The following RYR1 variants were observed in gnomAD, a reference collection of about 807,000 sequenced individuals.
RYR1 encodes ryanodine receptor 1.
RYR1 carries 342 observed loss-of-function variants against 583.5 expected under a neutral mutation model. The observed-to-expected ratio is 0.59, with a 90% CI of 0.54 to 0.64. RYR1 has a LOEUF of 0.64. RYR1 is among the 30% of genes least tolerant of loss of function. The probability of loss-of-function intolerance (pLI) is 0.00; values close to 1 mark genes in which losing one functional copy is unlikely to be tolerated. For synonymous variants in RYR1, 2,791 were observed against 2,822.5 expected (o/e 0.99, Z 0.35); for missense variants, 6,032 against 6,917.2 (o/e 0.87, Z 4.54).
intron 71 of RYR1, 70 bp from the exon 72 acceptor site, chr19:38,526,923 A>AG (rs1971491419): frequency 6.5e-7 from 1 of 1,547,452 alleles, no homozygotes. Flanking sequence ...TGGGCCTGGA[A>AG]GGAAAGGGTT....
At chr19:38,532,882 G>C in intron 78 of RYR1, 146 bp downstream of exon 78, 3 of 785,008 alleles carry the variant, frequency 3.8e-6, no homozygotes. Context: ...AGATACACCC[G>C]CCAAACTAAC....
In RYR1 at chr19:38,565,077, C is replaced by A; in HGVS notation, c.12743C>A (p.Ala4248Glu). ...ACCATCTTCGAGATGCAGATCGCCGCGCAGATCTCGGAGCCCGAGGGCGAG... is the reference window on the plus strand; with the variant it reads ...ACCATCTTCGAGATGCAGATCGCCGAGCAGATCTCGGAGCCCGAGGGCGAG... ...EDTIFEMQIA[A>E]QISEPEGEPE... Residue 4248 changes from alanine (A) to glutamate (E), a missense_variant, in exon 91 of 106, where the codon GCG becomes GAG. Around this residue, in one of 11 missense-constraint regions of RYR1, gnomAD observed 753 missense variants for 759.6 expected, o/e 0.99. Transcript: ENST00000359596. This position sits in a 1 kb window ranked among gnomAD's most constrained non-coding sequence, Gnocchi z 4.7. The A allele has an allele frequency of 6.4e-7, 1 of 1,558,072 alleles. No individual in the cohort carries two copies. Among genetic ancestry groups the A allele is most frequent in the Non-Finnish European group, 8.7e-7 (1 of 1,153,278 alleles).
chr19:38,528,192 C>A (rs1174352590), intron 73 of RYR1, 114 bp from the exon 74 acceptor site: 2 of 855,004 alleles, frequency 2.3e-6, no homozygotes, highest in Non-Finnish European at 2.0e-6. Flanking sequence ...TTCCTTCTGC[C>A]GTGTGAGTCT....
chr19:38,473,363 C>G lies in RYR1; in HGVS notation c.3766-14C>G. 6.2e-7 allele frequency: 1 copy of G among 1,613,698 alleles called. No individual in the cohort carries two copies. Among genetic ancestry groups the G allele is most frequent in the Non-Finnish European group, 8.5e-7 (1 of 1,179,938 alleles). On this transcript the variant is annotated splice_polypyrimidine_tract_variant and intron_variant, in intron 27 of 105. Coordinates refer to ENST00000359596, the MANE Select transcript of RYR1 (RefSeq NM_000540.3). ...CGCCTGCCCAGCCCAGTACTCCATT[C>G]CCTGCCACCTCAGGTATCCCGAGTG...
rs1322394196 is a variant in RYR1, at chr19:38,486,034, G to A, written c.5379G>A (p.Glu1793=). The change falls in exon 34 of 106, where the codon GAG becomes GAA. Residue 1793 remains glutamate, a synonymous_variant. Coordinates refer to ENST00000359596, the MANE Select transcript of RYR1 (RefSeq NM_000540.3). ...VAALPAAGAA[E]APARLSPAIP... is the part of the protein sequence containing the mutation. Reference sequence around the variant, plus strand: ...CTCTGCCAGCTGCTGGGGCAGCAGAGGCCCCGGCCCGCCTCAGCCCTGCCA... The same window carrying A: ...CTCTGCCAGCTGCTGGGGCAGCAGAAGCCCCGGCCCGCCTCAGCCCTGCCA... The A allele has an allele frequency of 1.2e-6, 2 of 1,612,770 alleles. No homozygotes were observed. The highest frequency in any genetic ancestry group is 1.7e-5 in the Admixed American group (1 of 59,956).
intron 97 of RYR1, among the ~76,000 whole-genome samples, chr19:38,576,892 GT>G (rs1027188906): frequency 6.6e-6 from 1 of 151,784 alleles, no homozygotes; most frequent in African/African-American, 2.4e-5. Flanking sequence ...CTTTTCTTTT[GT>G]TTTTTTCTTT....
chr19:38,542,818 G>C (rs1442893576), intron 84 of RYR1, among the ~76,000 whole-genome samples: 1 of 147,262 alleles, frequency 6.8e-6, no homozygotes, highest in African/African-American at 2.5e-5. Flanking sequence ...ACCGCTCCCA[G>C]CCTATTTTAA....
rs112627315 is a variant in RYR1, at chr19:38,553,562, G to A, written c.12282+5142G>A. Among the ~76,000 whole-genome samples, 664 of 152,086 alleles carry A rather than the reference G, an allele frequency of 4.4e-3. 5 individuals carry two copies. Among genetic ancestry groups the A allele is most frequent in the African/African-American group, 0.015 (626 of 41,488 alleles). On this transcript the variant is annotated intron_variant, in intron 89 of 105. Transcript: ENST00000359596. The stretch of plus-strand genomic sequence containing the variant: ...CTCCTCTGGAGGCTGACTGAGCTGG[G>A]AGGATCCTTTGAGCCCAGAAGGTCA...
chr19:38,585,880 A>G, intron 102 of RYR1, 58 bp from the exon 103 acceptor site: 1 of 1,601,788 alleles, frequency 6.2e-7, no homozygotes, highest in Non-Finnish European at 8.6e-7. Context: ...GTAGCTGGAG[A>G]GGGGGGAGTC....
chr19:38,520,944 A>C (rs966234602), intron 67 of RYR1, among the ~76,000 whole-genome samples: 2 of 152,126 alleles, frequency 1.3e-5, no homozygotes, highest in African/African-American at 4.8e-5. Flanking sequence ...AATAAACTAC[A>C]TATTTTACCA....
intron 72 of RYR1, 59 bp downstream of exon 72, chr19:38,527,111 T>G: frequency 1.3e-6 from 2 of 1,577,754 alleles, no homozygotes; most frequent in Non-Finnish European, 1.7e-6. Flanking sequence ...ACAATATTAG[T>G]GAAGGTTTGA....
At chr19:38,513,053 C>G (rs963715178) in intron 63 of RYR1, among the ~76,000 whole-genome samples, 1 of 151,682 alleles carries the variant, frequency 6.6e-6, no homozygotes, top group Non-Finnish European at 1.5e-5. Flanking sequence ...AAAAGTAGCA[C>G]TTGGCCGAGC....
At chr19:38,441,382 A>G (rs2145324067) in intron 2 of RYR1, among the ~76,000 whole-genome samples, 1 of 76,046 alleles carries the variant, frequency 1.3e-5, no homozygotes, top group South Asian at 4.2e-4. Context: ...GGGGTGTTTT[A>G]GGGGGAAGGA....
Position 38,469,312 on chromosome 19 carries a change from G to T in RYR1, c.3564G>T (p.Leu1188=). ...FREIEIGDGF[L]PVCSLGPGQV... is the part of the protein sequence containing the mutation. Reference sequence around the variant, plus strand: ...TCCATCCCCTCCCACCAGGCTTCCTGCCCGTCTGCAGCTTGGGACCTGGCC... The same window carrying T: ...TCCATCCCCTCCCACCAGGCTTCCTTCCCGTCTGCAGCTTGGGACCTGGCC... The change falls in exon 27 of 106, where the codon CTG becomes CTT. Residue 1188 remains leucine, a synonymous_variant. Coordinates refer to ENST00000359596, the MANE Select transcript of RYR1 (RefSeq NM_000540.3). 6.2e-7 allele frequency: 1 copy of T among 1,613,660 alleles called. No individual in the cohort carries two copies.
Position 38,500,945 on chromosome 19 carries a change from C to G in RYR1, c.7569C>G (p.Asp2523Glu). The G allele has an allele frequency of 6.2e-7, 1 of 1,612,806 alleles. No homozygotes were observed. Among genetic ancestry groups the G allele is most frequent in the Non-Finnish European group, 8.5e-7 (1 of 1,179,542 alleles). ...ENQDFLLHVL[D>E]VGFLPDMRAA... ...AGGACTTCTTGCTGCACGTGCTGGACGTGGGGTTCCTGCCCGACATGAGGG... is the reference window on the plus strand; with the variant it reads ...AGGACTTCTTGCTGCACGTGCTGGAGGTGGGGTTCCTGCCCGACATGAGGG... The change falls in exon 47 of 106, where the codon GAC becomes GAG. Residue 2523 changes from aspartate to glutamate, a missense_variant. Physicochemically the swap from Asp to Glu is conservative, Grantham distance 45 (BLOSUM62 2). This residue lies in a region of RYR1 where 2,627 missense variants were observed against 2,961.3 expected (regional missense o/e 0.89). Coordinates refer to ENST00000359596, the MANE Select transcript of RYR1 (RefSeq NM_000540.3). The surrounding 1 kb of genome is among the most constrained non-coding windows in gnomAD (Gnocchi z 5.9).
rs2234709 is a variant in RYR1, at chr19:38,500,036, C to A, written c.7323+20C>A. 91,478 of 1,609,466 alleles carry A rather than the reference C, an allele frequency of 0.057. 3,045 individuals are homozygous for A. The highest frequency in any genetic ancestry group is 0.13 in the East Asian group (5,693 of 44,834). On this transcript the variant is annotated intron_variant, in intron 45 of 105. Transcript: ENST00000359596. The surrounding 1 kb of genome is among the most constrained non-coding windows in gnomAD (Gnocchi z 5.9). ...ATGCATGTGAGACCCTGAGCCAGGG[C>A]AGGATGGGAAGGGAGGGCAGGCACA...
At chr19:38,577,525 G>A (rs945844426) in intron 97 of RYR1, among the ~76,000 whole-genome samples, 4 of 152,060 alleles carry the variant, frequency 2.6e-5, no homozygotes, top group Non-Finnish European at 5.9e-5. Context: ...GGCTGGGCAC[G>A]GTGGCTCACG....
At chr19:38,529,481 A>C (rs1301212432) in intron 76 of RYR1, among the ~76,000 whole-genome samples, 2 of 152,090 alleles carry the variant, frequency 1.3e-5, no homozygotes, top group Non-Finnish European at 2.9e-5. Context: ...CTCTGTCTCA[A>C]AAAGAAAAGA....
At chr19:38,507,932 C>A in intron 58 of RYR1, 105 bp downstream of exon 58, 2 of 512,498 alleles carry the variant, frequency 3.9e-6, no homozygotes, top group East Asian at 2.9e-5. Flanking sequence ...CCGTCCTCCC[C>A]TTATCTGATG....
Sources: gnomAD v4.1 joint callset for allele counts (sites outside exome capture counted in the v4.1 genomes callset) on GRCh38, gnomAD v4.1.1 for gene constraint, gnomAD v4.1.1 regional missense constraint, Gnocchi (gnomAD v3.1) non-coding constraint, MANE v1.5 for transcripts, NCBI Gene and HGNC (gene_info 2026-07-23, HGNC 2026-07-21) for gene names.